The following MSRA variants were observed in gnomAD, a reference collection of about 807,000 sequenced individuals.
MSRA encodes mitochondrial peptide methionine sulfoxide reductase.
In MSRA, 54 loss-of-function variants were observed where a neutral mutation model predicts 31.3. That is an observed-to-expected ratio of 1.73 (90% CI 1.39 to 2.17). The LOEUF (loss-of-function observed/expected upper bound fraction) is 2.17, where lower values mean the gene tolerates loss of function less well. Ranked by LOEUF, MSRA falls within the 30% of genes most tolerant of loss-of-function variation. MSRA has a pLI of 0.00. For synonymous variants in MSRA, 169 were observed against 116.5 expected, an observed-to-expected ratio of 1.45 and a Z score of -2.90; for missense variants, 507 against 300.9, an observed-to-expected ratio of 1.69 and a Z score of -5.07.
intron 3 of MSRA, among the ~76,000 whole-genome samples, chr8:10,291,715 T>C (rs533398385): frequency 6.6e-6 from 1 of 152,296 alleles, no homozygotes; most frequent in South Asian, 2.1e-4. Flanking sequence ...CTGTGTGCTC[T>C]TTGATTTGGT....
chr8:10,405,894 A>G (rs925836178), intron 5 of MSRA, among the ~76,000 whole-genome samples: 2 of 152,336 alleles, frequency 1.3e-5, no homozygotes, highest in South Asian at 4.1e-4. Flanking sequence ...ACATGTTCAC[A>G]TACACGCTGT....
At chr8:10,173,925 G>C (rs187427906) in intron 1 of MSRA, among the ~76,000 whole-genome samples, 1 of 152,178 alleles carries the variant, frequency 6.6e-6, no homozygotes, top group Non-Finnish European at 1.5e-5. Flanking sequence ...TGGTCCCAGC[G>C]TGCTGTGGGT....
intron 2 of MSRA, among the ~76,000 whole-genome samples, chr8:10,217,357 C>G (rs1810083500): frequency 6.6e-6 from 1 of 152,206 alleles, no homozygotes; most frequent in Admixed American, 6.5e-5. Flanking sequence ...CCACAAGGGA[C>G]TATTTGGTCC....
At chr8:10,336,475 T>A (rs7009948) in intron 5 of MSRA, among the ~76,000 whole-genome samples, 1,975 of 152,208 alleles carry the variant, frequency 0.013, 45 homozygotes, top group African/African-American at 0.045. Flanking sequence ...TTTGGCTTCT[T>A]TACAAAGTCG....
chr8:10,209,688 G>A (rs1809305622), intron 2 of MSRA, among the ~76,000 whole-genome samples: 1 of 152,200 alleles, frequency 6.6e-6, no homozygotes, highest in Non-Finnish European at 1.5e-5. Flanking sequence ...CGATGAGGAG[G>A]CTGACAGGTG....
At chr8:10,101,591 A>G (rs1222767171) in intron 1 of MSRA, among the ~76,000 whole-genome samples, 2 of 152,136 alleles carry the variant, frequency 1.3e-5, no homozygotes, top group Non-Finnish European at 2.9e-5. Flanking sequence ...TTCTGTCTCT[A>G]TGAATTTGAC....
At position 10,054,503 on chromosome 8, in the gene MSRA, G is replaced by C. The variant is rs762396675; in HGVS notation, c.-14G>C. ...CGCCGTCCCCCGGGACCACCCTTCG[G>C]CTGGCGCCCTCCCATGCTCTCGGCC... On this transcript the variant is annotated 5_prime_UTR_variant, in exon 1 of 6. Coordinates refer to ENST00000317173, the MANE Select transcript of MSRA (RefSeq NM_012331.5). 1.3e-6 allele frequency: 2 copies of C among 1,568,292 alleles called. No individual in the cohort carries two copies. The highest frequency in any genetic ancestry group is 1.7e-6 in the Non-Finnish European group (2 of 1,158,354).
chr8:10,130,310 G>C (rs1801805978), intron 1 of MSRA, among the ~76,000 whole-genome samples: 1 of 152,148 alleles, frequency 6.6e-6, no homozygotes, highest in African/African-American at 2.4e-5. Context: ...CTTTTCAGGG[G>C]AAGTTATCTT....
chr8:10,111,735 A>C (rs1346925814), intron 1 of MSRA, among the ~76,000 whole-genome samples: 1 of 152,250 alleles, frequency 6.6e-6, no homozygotes, highest in African/African-American at 2.4e-5. Context: ...AAATATTAGC[A>C]GATTGAATAT....
intron 3 of MSRA, among the ~76,000 whole-genome samples, chr8:10,280,793 G>T (rs1799582039): frequency 1.3e-5 from 2 of 152,216 alleles, no homozygotes; most frequent in African/African-American, 4.8e-5. Context: ...GCATCAGCGT[G>T]TGAATGGGTA....
chr8:10,237,824 C>G (rs1176435743), intron 2 of MSRA, among the ~76,000 whole-genome samples: 1 of 152,240 alleles, frequency 6.6e-6, no homozygotes, highest in East Asian at 1.9e-4. Flanking sequence ...TGACCCATGA[C>G]TTCCTCCACC....
intron 5 of MSRA, among the ~76,000 whole-genome samples, chr8:10,408,090 A>T (rs1252057700): frequency 3.9e-5 from 6 of 152,154 alleles, no homozygotes; most frequent in Non-Finnish European, 8.8e-5. Flanking sequence ...ACTAGCAGGA[A>T]AACTGTGTCA....
intron 1 of MSRA, among the ~76,000 whole-genome samples, chr8:10,130,303 T>C (rs1039882826): frequency 6.6e-6 from 1 of 152,220 alleles, no homozygotes. Context: ...ATAACAACTT[T>C]TCAGGGGAAG....
At chr8:10,183,156 G>C (rs1004606174) in intron 1 of MSRA, among the ~76,000 whole-genome samples, 10 of 152,226 alleles carry the variant, frequency 6.6e-5, no homozygotes, top group African/African-American at 2.2e-4. Context: ...CTTAGCTCTT[G>C]AGGACTATTT....
chr8:10,400,782 G>T (rs1807412111), intron 5 of MSRA, among the ~76,000 whole-genome samples: 2 of 152,200 alleles, frequency 1.3e-5, no homozygotes, highest in South Asian at 4.1e-4. Context: ...TCAACAGATG[G>T]TGCTGGGACA....
chr8:10,262,641 C>G (rs953094523), intron 3 of MSRA, among the ~76,000 whole-genome samples: 1 of 152,078 alleles, frequency 6.6e-6, no homozygotes, highest in African/African-American at 2.4e-5. Flanking sequence ...ATGTGTCCTC[C>G]CAGTCTGTGG....
At chr8:10,258,630 A>T (rs1022352496) in intron 3 of MSRA, among the ~76,000 whole-genome samples, 1 of 152,218 alleles carries the variant, frequency 6.6e-6, no homozygotes, top group Non-Finnish European at 1.5e-5. Context: ...CTTCCTGATT[A>T]TATGAGGAGT....
chr8:10,147,371 T>G (rs774261420), intron 1 of MSRA, among the ~76,000 whole-genome samples: 7 of 152,052 alleles, frequency 4.6e-5, no homozygotes, highest in Non-Finnish European at 7.4e-5. Flanking sequence ...AGCTCAGTCA[T>G]CAGCTGTTGG....
chr8:10,246,824 T>A (rs1391199513), intron 3 of MSRA, among the ~76,000 whole-genome samples: 1 of 150,702 alleles, frequency 6.6e-6, no homozygotes, highest in African/African-American at 2.5e-5. Context: ...GTTATCCTAT[T>A]TTTTTTTAAC....
Sources: gnomAD v4.1 joint callset for allele counts (sites outside exome capture counted in the v4.1 genomes callset) on GRCh38, gnomAD v4.1.1 for gene constraint, MANE v1.5 for transcripts, NCBI Gene and HGNC (gene_info 2026-07-23, HGNC 2026-07-21) for gene names.